Variants in CAPZB observed in about 807,000 individuals in gnomAD.
CAPZB encodes F-actin-capping protein subunit beta.
Under a neutral mutation model 38.1 loss-of-function variants are expected in CAPZB, and 2 were observed. The observed-to-expected ratio is 0.05, with a 90% CI of 0.02 to 0.17. CAPZB has a LOEUF of 0.17. CAPZB is among the 10% of genes least tolerant of loss of function. The pLI is 1.00. For synonymous variants in CAPZB, 107 were observed against 127.4 expected, an observed-to-expected ratio of 0.84 and a Z score of 1.08; for missense variants, 161 against 334.2, an observed-to-expected ratio of 0.48 and a Z score of 4.04.
intron 2 of CAPZB, among the ~76,000 whole-genome samples, chr1:19,405,291 G>A (rs558230786): frequency 1.1e-4 from 16 of 152,206 alleles, no homozygotes; most frequent in African/African-American, 3.9e-4. Context: ...GAGCATCATG[G>A]CATCCCGCAG....
At chr1:19,391,555 G>A (rs758143697) in intron 2 of CAPZB, among the ~76,000 whole-genome samples, 1 of 152,092 alleles carries the variant, frequency 6.6e-6, no homozygotes, top group Non-Finnish European at 1.5e-5. Context: ...TTTCCAGAAG[G>A]CCCAAAACTT....
chr1:19,346,788 G>A (rs1028498472), intron 6 of CAPZB, among the ~76,000 whole-genome samples: 8 of 151,018 alleles, frequency 5.3e-5, no homozygotes, highest in African/African-American at 1.9e-4. Context: ...CCTTGACACT[G>A]GGGGCGGCAG....
chr1:19,401,742 G>C lies in CAPZB; in HGVS notation c.94-16116C>G, dbSNP rs138799480. ...GTGTTTTTTGTTTGCATTTTTCCAA[G>C]TCCAGGCATTTTTCCAGGTATTTCC... On this transcript the variant is annotated intron_variant, in intron 2 of 8. Coordinates refer to ENST00000264202, the MANE Select transcript of CAPZB (RefSeq NM_004930.5). Among the ~76,000 whole-genome samples the C allele has an allele frequency of 9.3e-3, 1,422 of 152,226 alleles. 24 individuals are homozygous for C. Among genetic ancestry groups the C allele is most frequent in the African/African-American group, 0.032 (1,342 of 41,522 alleles).
rs1162852511 is a variant in CAPZB, at chr1:19,485,421, C to A, written c.3+15G>T. 2 of 1,229,038 alleles carry A rather than the reference C, an allele frequency of 1.6e-6. No homozygotes were observed. The highest frequency in any genetic ancestry group is 2.0e-6 in the Non-Finnish European group (2 of 986,090). 76.1% of individuals were successfully genotyped at this position (1,229,038 alleles called of 1,614,324 possible). The stretch of plus-strand genomic sequence containing the variant: ...AGGGGCCCCCGGGCCGGGGAGGGGG[C>A]CGTGCGGCCTTTACCATGGTGGCGG... On this transcript the variant is annotated intron_variant, in intron 1 of 8. Transcript: ENST00000264202.
intron 1 of CAPZB, chr1:19,448,852 A>G: frequency 6.2e-7 from 1 of 1,612,880 alleles, no homozygotes; most frequent in Non-Finnish European, 8.5e-7. Context: ...GTTCTGGGTC[A>G]CATCTTCTGG....
chr1:19,417,633 TCAC>T (rs1306085868), intron 2 of CAPZB, among the ~76,000 whole-genome samples: 2 of 152,140 alleles, frequency 1.3e-5, no homozygotes, highest in South Asian at 2.1e-4. Flanking sequence ...GTGACCATTC[TCAC>T]CACATCAAGT....
intron 1 of CAPZB, among the ~76,000 whole-genome samples, chr1:19,482,929 G>A (rs1273053688): frequency 6.6e-6 from 1 of 152,220 alleles, no homozygotes; most frequent in Non-Finnish European, 1.5e-5. Context: ...AAGGCTAAGG[G>A]ATACTAAGAA....
intron 1 of CAPZB, among the ~76,000 whole-genome samples, chr1:19,445,730 A>G (rs565727189): frequency 6.6e-6 from 1 of 152,374 alleles, no homozygotes. Flanking sequence ...AAATGGATGC[A>G]GGAGGTGTTC....
chr1:19,373,313 AG>A (rs1326282672), intron 4 of CAPZB, among the ~76,000 whole-genome samples: 3 of 152,152 alleles, frequency 2.0e-5, no homozygotes, highest in Non-Finnish European at 4.4e-5. Flanking sequence ...TCCACAGGGG[AG>A]AGGGGCTGCC....
chr1:19,402,491 C>G (rs1203790493), intron 2 of CAPZB, among the ~76,000 whole-genome samples: 1 of 152,222 alleles, frequency 6.6e-6, no homozygotes, highest in Non-Finnish European at 1.5e-5. Flanking sequence ...AGAGTGTGCG[C>G]CCATCACCTG....
chr1:19,361,389 G>A (rs1405349814), intron 4 of CAPZB, among the ~76,000 whole-genome samples: 4 of 152,212 alleles, frequency 2.6e-5, no homozygotes, highest in Non-Finnish European at 5.9e-5. Flanking sequence ...CCAGGGACTG[G>A]AGCAGCCACA....
At chr1:19,352,155 C>G (rs961555742) in intron 6 of CAPZB, among the ~76,000 whole-genome samples, 8 of 152,254 alleles carry the variant, frequency 5.3e-5, no homozygotes, top group Non-Finnish European at 1.0e-4. Flanking sequence ...GGGCAATGGG[C>G]TTCTTCCCTG....
intron 1 of CAPZB, among the ~76,000 whole-genome samples, chr1:19,449,483 G>A (rs1003170536): frequency 2.6e-5 from 4 of 152,208 alleles, no homozygotes; most frequent in African/African-American, 9.6e-5. Flanking sequence ...ACCCAGGTTC[G>A]TAAAGAAAAT....
In CAPZB at chr1:19,378,607, T is replaced by G. The variant is rs1488009114; in HGVS notation, c.262A>C (p.Met88Leu). 6.2e-7 allele frequency: 1 copy of G among 1,613,666 alleles called. No individual in the cohort carries two copies. The highest frequency in any genetic ancestry group is 8.5e-7 in the Non-Finnish European group (1 of 1,179,538). ...KYDPPLEDGA[M>L]PSARLRKLEV... ...AGCTTTCTCAGCCGAGCTGACGGCA[T>G]GGCCCCATCCTCCAAGGGAGGGTCA... The change falls in exon 4 of 9, where the codon ATG (methionine) becomes CTG (leucine). Residue 88 changes from methionine to leucine, a missense_variant. Coordinates refer to ENST00000264202, the MANE Select transcript of CAPZB (RefSeq NM_004930.5).
intron 1 of CAPZB, among the ~76,000 whole-genome samples, chr1:19,469,727 A>G (rs1161446167): frequency 6.9e-6 from 1 of 145,418 alleles, no homozygotes; most frequent in Non-Finnish European, 1.5e-5. Flanking sequence ...AGATACTCAA[A>G]AGGAGGAAAA....
chr1:19,342,882 G>A (rs1240585614), intron 8 of CAPZB: 3 of 1,436,252 alleles, frequency 2.1e-6, no homozygotes, highest in Non-Finnish European at 2.9e-6. Flanking sequence ...GAGTGTTCAA[G>A]ATGAGTGGAG....
chr1:19,407,029 T>C (rs1368269697), intron 2 of CAPZB, among the ~76,000 whole-genome samples: 1 of 152,156 alleles, frequency 6.6e-6, no homozygotes, highest in Non-Finnish European at 1.5e-5. Context: ...CACTCCACTA[T>C]CAACTTCAAT....
Position 19,396,517 on chromosome 1 carries a change from T to C in CAPZB, c.94-10891A>G, listed in dbSNP as rs555042783. Among the ~76,000 whole-genome samples, 7 of 152,236 alleles carry C rather than the reference T, an allele frequency of 4.6e-5. No individual in the cohort carries two copies. In the South Asian group the frequency reaches 1.4e-3, roughly 32 times the overall value. On this transcript the variant is annotated intron_variant, in intron 2 of 8. Coordinates refer to ENST00000264202, the MANE Select transcript of CAPZB (RefSeq NM_004930.5). Reference sequence around the variant, plus strand: ...GCTGTGGAGCTGCCGCTGCCCCTCGTACCCTACACAGGCTCCTCCTAAAGC... The same window carrying C: ...GCTGTGGAGCTGCCGCTGCCCCTCGCACCCTACACAGGCTCCTCCTAAAGC...
At chr1:19,454,874 T>C (rs2094528138) in intron 1 of CAPZB, among the ~76,000 whole-genome samples, 1 of 152,214 alleles carries the variant, frequency 6.6e-6, no homozygotes, top group African/African-American at 2.4e-5. Flanking sequence ...AAATGCCCAC[T>C]GCAGCATGAA....
Sources: allele counts gnomAD v4.1 joint callset (sites outside exome capture counted in the v4.1 genomes callset), GRCh38; gene constraint gnomAD v4.1.1; transcripts MANE v1.5; gene names NCBI Gene and HGNC (gene_info 2026-07-23, HGNC 2026-07-21).